The following STXBP5 variants were observed in gnomAD, a reference collection of about 807,000 sequenced individuals.
STXBP5 encodes syntaxin binding protein 5.
In STXBP5, 50 loss-of-function variants were observed where a neutral mutation model predicts 152.4. The observed-to-expected ratio is 0.33, with a 90% CI of 0.26 to 0.42. The LOEUF is 0.42. Ranked by LOEUF, STXBP5 falls within the 10% of genes least tolerant of loss-of-function variation. The pLI, the probability that STXBP5 is intolerant of heterozygous loss-of-function variation, is 1.00. For missense variants in STXBP5, 1,167 were observed against 1,388.6 expected (o/e 0.84, Z 2.54); for synonymous variants, 492 against 494.7 (o/e 0.99, Z 0.07).
intron 4 of STXBP5, among the ~76,000 whole-genome samples, chr6:147,247,053 T>C (rs1314536526): frequency 6.6e-6 from 1 of 152,206 alleles, no homozygotes; most frequent in East Asian, 1.9e-4. Flanking sequence ...AGTATGCACA[T>C]TAGTGCATAT....
intron 6 of STXBP5, among the ~76,000 whole-genome samples, chr6:147,263,209 T>C (rs1779722565): frequency 1.3e-5 from 2 of 151,986 alleles, no homozygotes; most frequent in African/African-American, 2.4e-5. Context: ...GTCATAATTA[T>C]AGCATTGTTT....
chr6:147,314,353 C>T (rs746222720), intron 13 of STXBP5, 22 bp downstream of exon 13: 2 of 1,594,110 alleles, frequency 1.3e-6, no homozygotes, highest in Non-Finnish European at 1.7e-6. Flanking sequence ...TCTGTCTTCA[C>T]CAAGTAAATC....
intron 25 of STXBP5, among the ~76,000 whole-genome samples, chr6:147,366,195 T>TC (rs1370423684): frequency 6.6e-6 from 1 of 151,836 alleles, no homozygotes; most frequent in Non-Finnish European, 1.5e-5. Flanking sequence ...ATGTGCAGAG[T>TC]CCCCCTGAGT....
At chr6:147,324,928 T>C (rs1238889453) in intron 16 of STXBP5, 31 bp from the exon 17 acceptor site, 2 of 1,463,968 alleles carry the variant, frequency 1.4e-6, no homozygotes, top group Non-Finnish European at 1.8e-6. Context: ...TTGAAAATGG[T>C]TTAAAGATAC....
intron 9 of STXBP5, among the ~76,000 whole-genome samples, chr6:147,309,031 G>A (rs947021056): frequency 7.9e-5 from 12 of 152,220 alleles, no homozygotes; most frequent in African/African-American, 2.9e-4. Flanking sequence ...AACAGAGAGG[G>A]TAAGCAACAT....
intron 21 of STXBP5, among the ~76,000 whole-genome samples, chr6:147,349,443 A>C (rs558898496): frequency 1.2e-4 from 19 of 152,338 alleles, no homozygotes; most frequent in African/African-American, 4.6e-4. Flanking sequence ...ATATTGTCAA[A>C]ACTCAGTGAA....
Position 147,204,822 on chromosome 6 carries a change from C to T in STXBP5, c.150+140C>T. On this transcript the variant is annotated intron_variant, in intron 1 of 27. Transcript: ENST00000321680. This position sits in a 1 kb window ranked among gnomAD's most constrained non-coding sequence, Gnocchi z 4.3. ...AATAACTCTAATAAAAGGCTCGCTC[C>T]TCCCTTGGCAAACGTTTCTTCGGTG... The T allele has an allele frequency of 1.0e-6, 1 of 996,584 alleles. No homozygotes were observed. 61.7% of individuals were successfully genotyped at this position (996,584 alleles called of 1,614,324 possible).
chr6:147,314,765 T>G, intron 14 of STXBP5, 129 bp downstream of exon 14: 1 of 617,982 alleles, frequency 1.6e-6, no homozygotes, highest in Non-Finnish European at 2.5e-6. Flanking sequence ...AATGCTTGAT[T>G]TATTAAATAC....
rs570843418 is a variant in STXBP5, at chr6:147,276,834, C to G, written c.715-1247C>G. Among the ~76,000 whole-genome samples, 737 of 152,136 alleles carry G rather than the reference C, an allele frequency of 4.8e-3. 5 individuals carry two copies. The highest frequency in any genetic ancestry group is 7.7e-3 in the Non-Finnish European group (526 of 67,938). ...TTTCTTCAACTTATGATTTTTTTGA[C>G]TTTACAATTGGTTTACCAAGACGTA... On this transcript the variant is annotated intron_variant, in intron 7 of 27. Transcript: ENST00000321680.
chr6:147,307,802 T>C (rs1444572028), intron 9 of STXBP5, among the ~76,000 whole-genome samples: 18 of 152,162 alleles, frequency 1.2e-4, no homozygotes, highest in African/African-American at 3.6e-4. Context: ...TTTGTAAATA[T>C]AAGTTTAGAA....
chr6:147,287,395 G>A (rs1781032350), intron 8 of STXBP5, among the ~76,000 whole-genome samples: 2 of 151,134 alleles, frequency 1.3e-5, no homozygotes, highest in South Asian at 2.1e-4. Context: ...GTAGAGACGG[G>A]GTTTCACCGT....
chr6:147,207,156 A>G (rs769590156), intron 2 of STXBP5, among the ~76,000 whole-genome samples: 1 of 152,180 alleles, frequency 6.6e-6, no homozygotes, highest in Non-Finnish European at 1.5e-5. Flanking sequence ...AACATGTGCC[A>G]GGCATTTTAC....
chr6:147,354,543 CAG>C (rs2128408869), intron 22 of STXBP5, among the ~76,000 whole-genome samples: 1 of 151,636 alleles, frequency 6.6e-6, no homozygotes, highest in East Asian at 1.9e-4. Flanking sequence ...TAGCAGAATC[CAG>C]AGTTTTCATC....
intron 22 of STXBP5, 33 bp from the exon 23 acceptor site, chr6:147,359,051 T>G (rs773442230): frequency 7.5e-6 from 12 of 1,598,280 alleles, no homozygotes; most frequent in Non-Finnish European, 9.4e-6. Flanking sequence ...TTTTATAACT[T>G]GAGCAATCTC....
At position 147,373,941 on chromosome 6, in the gene STXBP5, C is replaced by G. The variant is rs917859351; in HGVS notation, c.3193+99C>G. 1.2e-4 allele frequency: 80 copies of G among 675,476 alleles called. 1 individual carries two copies. In the South Asian group the frequency reaches 1.6e-3, roughly 14 times the overall value. 41.8% of individuals were successfully genotyped at this position (675,476 alleles called of 1,614,324 possible). A position where few individuals can be genotyped will look rare whatever the true frequency, so the allele number is the denominator to read the frequency against. On this transcript the variant is annotated intron_variant, in intron 26 of 27. Coordinates refer to ENST00000321680, the MANE Select transcript of STXBP5 (RefSeq NM_001127715.4). ...TGTAAATTATGTTCACTTTTTTTCT[C>G]TTTGTCACAATTACTATTTCCATGT... is the stretch of plus-strand genomic sequence containing the variant.
At chr6:147,365,403 TATTA>T (rs1437009142) in intron 25 of STXBP5, among the ~76,000 whole-genome samples, 1 of 152,212 alleles carries the variant, frequency 6.6e-6, no homozygotes, top group Non-Finnish European at 1.5e-5. Flanking sequence ...GACAATTGAA[TATTA>T]ATTCATTTCC....
chr6:147,323,782 C>T (rs969467065), intron 16 of STXBP5, among the ~76,000 whole-genome samples: 2 of 152,214 alleles, frequency 1.3e-5, no homozygotes, highest in African/African-American at 4.8e-5. Context: ...AAGTTCCTCA[C>T]ATTGTGACTA....
At chr6:147,332,147 G>T (rs1189228309) in intron 18 of STXBP5, among the ~76,000 whole-genome samples, 1 of 152,144 alleles carries the variant, frequency 6.6e-6, no homozygotes, top group African/African-American at 2.4e-5. Flanking sequence ...TAACAGAGGG[G>T]ATGGATTAAG....
At chr6:147,304,014 G>T (rs993931410) in intron 9 of STXBP5, among the ~76,000 whole-genome samples, 3 of 152,168 alleles carry the variant, frequency 2.0e-5, no homozygotes, top group African/African-American at 7.2e-5. Context: ...GCCTGATGAT[G>T]TTCTAGAAAA....
Sources: gnomAD v4.1 joint callset for allele counts (sites outside exome capture counted in the v4.1 genomes callset) on GRCh38, gnomAD v4.1.1 for gene constraint, Gnocchi (gnomAD v3.1) non-coding constraint, MANE v1.5 for transcripts, NCBI Gene and HGNC (gene_info 2026-07-23, HGNC 2026-07-21) for gene names.